NREP: variants seen among roughly 807,000 people sequenced by gnomAD.
NREP encodes the protein neuronal regeneration related protein.
A neutral mutation model predicts 8.6 loss-of-function variants in NREP; 5 were observed. That is an observed-to-expected ratio of 0.58 (90% CI 0.30 to 1.22). The LOEUF (loss-of-function observed/expected upper bound fraction) is 1.22. NREP is among the 50% of genes most tolerant of loss of function. The pLI, the probability that NREP is intolerant of heterozygous loss-of-function variation, is 0.07. For missense variants in NREP, 86 were observed against 82.5 expected (o/e 1.04, Z -0.17); for synonymous variants, 27 against 28.0 (o/e 0.96, Z 0.11).
At chr5:111,947,130 A>G (rs541218141) in intron 2 of NREP, among the ~76,000 whole-genome samples, 28 of 152,176 alleles carry the variant, frequency 1.8e-4, no homozygotes, top group Non-Finnish European at 1.8e-4. Flanking sequence ...TCAAAGAAAT[A>G]ATGTATAACT....
rs910428044 is a variant in NREP at position 111,956,594 on chromosome 5, G to T, written c.135+18680C>A. Among the ~76,000 whole-genome samples the T allele has an allele frequency of 2.6e-5, 4 of 151,988 alleles. No individual in the cohort carries two copies. In the East Asian group the frequency reaches 7.7e-4, roughly 29 times the overall value. ...AAATATCTAAAAGGAATTACAGAAAGAGTAAAAACAATATTTTTTAAAAAG... is the reference window on the plus strand; with the variant it reads ...AAATATCTAAAAGGAATTACAGAAATAGTAAAAACAATATTTTTTAAAAAG... On this transcript the variant is annotated intron_variant, in intron 2 of 3. Coordinates refer to the NREP transcript ENST00000395634.
rs140601590 is a variant in NREP at position 111,832,744 on chromosome 5, T to C, written c.136-97237A>G. ...GGGGAAGGTCTCAGCTGCTACGCTT[T>C]CCAGGCAAAATGCCTGATAGCATCT... On this transcript the variant is annotated intron_variant, in intron 2 of 3. Coordinates refer to the NREP transcript ENST00000395634. Among the ~76,000 whole-genome samples, 1,298 of 152,332 alleles carry C rather than the reference T, an allele frequency of 8.5e-3. 8 individuals are homozygous for C. Among genetic ancestry groups the C allele is most frequent in the Non-Finnish European group, 0.012 (835 of 68,032 alleles).
chr5:111,976,889 C>A (rs994333645), exon 1 of NREP: 1 of 602,398 alleles, frequency 1.7e-6, no homozygotes. Flanking sequence ...GATTGCACTG[C>A]CTGGAAAAGT....
chr5:111,817,249 C>A (rs1406181652), intron 2 of NREP, among the ~76,000 whole-genome samples: 1 of 152,152 alleles, frequency 6.6e-6, no homozygotes, highest in African/African-American at 2.4e-5. Flanking sequence ...TCCTTCACAA[C>A]TCTTTATCTT....
intron 2 of NREP, among the ~76,000 whole-genome samples, chr5:111,932,201 T>C (rs1224248180): frequency 6.6e-6 from 1 of 151,820 alleles, no homozygotes; most frequent in Non-Finnish European, 1.5e-5. Flanking sequence ...AGGGTAACTA[T>C]AGATGGTCCC....
chr5:111,751,055 C>T (rs1035364021), intron 2 of NREP, among the ~76,000 whole-genome samples: 10 of 152,212 alleles, frequency 6.6e-5, no homozygotes, highest in African/African-American at 1.7e-4. Flanking sequence ...AAACTAAACA[C>T]GATTAAATCA....
chr5:111,905,549 A>G (rs549790979), intron 2 of NREP, among the ~76,000 whole-genome samples: 1 of 152,264 alleles, frequency 6.6e-6, no homozygotes, highest in South Asian at 2.1e-4. Flanking sequence ...TCTAATTCCA[A>G]ATATACAGAT....
At chr5:111,964,888 A>G (rs1367396374) in intron 2 of NREP, among the ~76,000 whole-genome samples, 1 of 138,894 alleles carries the variant, frequency 7.2e-6, no homozygotes, top group African/African-American at 3.0e-5. Flanking sequence ...AAAAAAAAAA[A>G]AAAAAAAGAA....
At chr5:111,916,215 G>T (rs1049171017) in intron 2 of NREP, among the ~76,000 whole-genome samples, 1 of 152,010 alleles carries the variant, frequency 6.6e-6, no homozygotes, top group Non-Finnish European at 1.5e-5. Context: ...AGTAGATGTT[G>T]ATGATAGAGA....
At chr5:111,926,286 T>C (rs1019285704) in intron 2 of NREP, among the ~76,000 whole-genome samples, 4 of 152,042 alleles carry the variant, frequency 2.6e-5, no homozygotes, top group Non-Finnish European at 4.4e-5. Context: ...CCCTGGATAA[T>C]GGGGACAAGA....
chr5:111,759,495 A>G (rs1009910538), upstream of NREP, among the ~76,000 whole-genome samples: 6 of 151,402 alleles, frequency 4.0e-5, no homozygotes, highest in East Asian at 1.9e-4. Flanking sequence ...GATTCAGGCA[A>G]TCCTCACTAC....
At position 111,969,829 on chromosome 5, in the gene NREP, G is replaced by C. The variant is rs528545111; in HGVS notation, c.135+5445C>G. 2.6e-5 allele frequency among the ~76,000 whole-genome samples: 4 copies of C among 152,260 alleles called. No homozygotes were observed. The East Asian group carries it at 7.7e-4, about 29-fold the overall frequency. ...GAGATTCTACAGCTTGAGTATCCCA[G>C]AAAGCTGAGGGTCACTGGGTAAAAA... On this transcript the variant is annotated intron_variant, in intron 2 of 3. Coordinates refer to the NREP transcript ENST00000395634.
chr5:111,950,711 A>C (rs964499246), intron 2 of NREP, among the ~76,000 whole-genome samples: 6 of 151,852 alleles, frequency 4.0e-5, no homozygotes, highest in African/African-American at 1.2e-4. Context: ...AAAAAAAAAA[A>C]AACCAGACAA....
chr5:111,799,044 A>T (rs1160466896), intron 2 of NREP, among the ~76,000 whole-genome samples: 1 of 152,118 alleles, frequency 6.6e-6, no homozygotes, highest in Non-Finnish European at 1.5e-5. Context: ...TCCCACCAAC[A>T]GGGTAAAAGT....
In NREP at chr5:111,970,825, CAAAA is replaced by C. The variant is rs33962098; in HGVS notation, c.135+4445_135+4448del. Among the ~76,000 whole-genome samples the C allele has an allele frequency of 1.3e-4, 7 of 53,638 alleles. No homozygotes were observed. In the South Asian group the frequency reaches 2.6e-3, roughly 20 times the overall value. 35.2% of individuals were successfully genotyped at this position (53,638 alleles called of 152,430 possible). On this transcript the variant is annotated intron_variant, in intron 2 of 3. Transcript: ENST00000395634. ...TGGTTGACAAAGCAAGACTCCATCT[CAAAA>C]AAAAAAAAAAAAAAAAAAAAGAAAG... is the stretch of plus-strand genomic sequence containing the variant.
Position 111,975,524 on chromosome 5 carries a change from T to C in NREP, c.31-146A>G, listed in dbSNP as rs1041237868. The C allele has an allele frequency of 9.8e-6, 6 of 613,688 alleles. No homozygotes were observed. In the African/African-American group the frequency reaches 1.1e-4, roughly 11 times the overall value. The allele number at this position is 613,688 out of a possible 1,614,324, so 38.0% of individuals were successfully genotyped here. On this transcript the variant is annotated intron_variant, in intron 1 of 3. Transcript: ENST00000395634. ...GACACTGACTGGCCAGGGTATAGGA[T>C]CAGTTTATTTCCATGAAGACTCTTT...
At chr5:111,746,497 A>G (rs1012620500) in intron 2 of NREP, among the ~76,000 whole-genome samples, 2 of 152,140 alleles carry the variant, frequency 1.3e-5, no homozygotes, top group African/African-American at 2.4e-5. Flanking sequence ...TAAAGGACTA[A>G]AATTGTGAAG....
At chr5:111,731,212 C>T (rs1748527976) in intron 3 of NREP, among the ~76,000 whole-genome samples, 166 bp from the exon 4 acceptor site, 1 of 152,146 alleles carries the variant, frequency 6.6e-6, no homozygotes, top group African/African-American at 2.4e-5. Flanking sequence ...ACACAGTTCA[C>T]CTGAATGTAA....
At chr5:111,746,051 C>A (rs1749982587) in intron 2 of NREP, among the ~76,000 whole-genome samples, 3 of 152,046 alleles carry the variant, frequency 2.0e-5, no homozygotes, top group Non-Finnish European at 4.4e-5. Context: ...GATGTAGTGA[C>A]CCTCTGACTT....
Sources: allele counts gnomAD v4.1 joint callset (sites outside exome capture counted in the v4.1 genomes callset), GRCh38; gene constraint gnomAD v4.1.1; transcripts MANE v1.5; gene names NCBI Gene and HGNC (gene_info 2026-07-23, HGNC 2026-07-21).